Variants in LRP1B observed in about 807,000 individuals in gnomAD.
LRP1B encodes the protein LDL receptor related protein 1B.
A neutral mutation model predicts 556.6 loss-of-function variants in LRP1B; 217 were observed. The ratio of observed to expected loss-of-function variants is 0.39; its 90% CI spans 0.35 to 0.44. The LOEUF (loss-of-function observed/expected upper bound fraction) is 0.44, where lower values mean the gene tolerates loss of function less well. Ranked by LOEUF, LRP1B falls within the 20% of genes least tolerant of loss-of-function variation. LRP1B has a pLI of 1.00. For synonymous variants in LRP1B, 2,047 were observed against 1,865.8 expected, an observed-to-expected ratio of 1.10 and a Z score of -2.50; for missense variants, 5,053 against 5,620.8, an observed-to-expected ratio of 0.90 and a Z score of 3.23.
intron 2 of LRP1B, among the ~76,000 whole-genome samples, chr2:141,767,110 C>A (rs1025831034): frequency 1.3e-5 from 2 of 151,920 alleles, no homozygotes; most frequent in Non-Finnish European, 2.9e-5. Context: ...GGCAAAAAGC[C>A]GTGATAGAAC....
chr2:141,310,125 C>T (rs1686756486), intron 3 of LRP1B, among the ~76,000 whole-genome samples: 1 of 152,058 alleles, frequency 6.6e-6, no homozygotes, highest in South Asian at 2.1e-4. Context: ...GGTAGACAAA[C>T]AACTAAGTAC....
chr2:140,672,060 T>C (rs959340056), intron 41 of LRP1B, among the ~76,000 whole-genome samples: 1 of 152,190 alleles, frequency 6.6e-6, no homozygotes, highest in Non-Finnish European at 1.5e-5. Context: ...TCTATCCTGG[T>C]CCAAAATTCC....
intron 32 of LRP1B, among the ~76,000 whole-genome samples, chr2:140,778,618 A>C (rs539509675): frequency 1.3e-4 from 20 of 152,316 alleles, no homozygotes; most frequent in African/African-American, 4.8e-4. Flanking sequence ...ATTAATTTGT[A>C]GTGAAAATTA....
At chr2:141,864,580 CTT>C (rs1698346142) in intron 1 of LRP1B, among the ~76,000 whole-genome samples, 1 of 135,572 alleles carries the variant, frequency 7.4e-6, no homozygotes, top group Non-Finnish European at 1.7e-5. Context: ...AAAAAAAAAA[CTT>C]ATGAAACTGG....
intron 3 of LRP1B, among the ~76,000 whole-genome samples, chr2:141,352,852 T>C (rs943094578): frequency 1.3e-5 from 2 of 151,898 alleles, no homozygotes; most frequent in African/African-American, 2.4e-5. Flanking sequence ...GCAGTCTCAG[T>C]TGGAGTAGAC....
chr2:140,647,366 T>C (rs1296506546), intron 41 of LRP1B, among the ~76,000 whole-genome samples: 2 of 152,236 alleles, frequency 1.3e-5, no homozygotes, highest in Non-Finnish European at 2.9e-5. Context: ...ATTTTTTATA[T>C]ATTTTAATAA....
chr2:140,404,122 C>T (rs1031503819), intron 66 of LRP1B, among the ~76,000 whole-genome samples: 3 of 150,534 alleles, frequency 2.0e-5, no homozygotes, highest in Admixed American at 6.6e-5. Context: ...CTAAAAAGAA[C>T]TCTAAATCTT....
rs1188470970 is a variant in LRP1B, at chr2:141,355,018, A to G, written c.344-100377T>C. On this transcript the variant is annotated intron_variant, in intron 3 of 90. Transcript: ENST00000389484. Reference sequence around the variant, plus strand: ...TTGGAATGTTTTCTGGGGATATTTCATACTTTTCACCAGTCCCATTGGAGA... The same window carrying G: ...TTGGAATGTTTTCTGGGGATATTTCGTACTTTTCACCAGTCCCATTGGAGA... Among the ~76,000 whole-genome samples, 7 of 152,206 alleles carry G rather than the reference A, an allele frequency of 4.6e-5. No individual in the cohort carries two copies. In the East Asian group the frequency reaches 1.4e-3, roughly 29 times the overall value.
At chr2:141,895,585 C>T (rs912571803) in intron 1 of LRP1B, among the ~76,000 whole-genome samples, 8 of 152,122 alleles carry the variant, frequency 5.3e-5, no homozygotes, top group African/African-American at 1.7e-4. Flanking sequence ...TCCAATTAAG[C>T]AAAGGGCTCA....
intron 35 of LRP1B, among the ~76,000 whole-genome samples, chr2:140,767,568 C>T (rs979508886): frequency 1.3e-5 from 2 of 151,540 alleles, no homozygotes; most frequent in Non-Finnish European, 2.9e-5. Flanking sequence ...ATCTATTTAC[C>T]CTTAAAAAGC....
intron 1 of LRP1B, among the ~76,000 whole-genome samples, chr2:141,927,330 A>G (rs1224286156): frequency 3.3e-5 from 5 of 152,060 alleles, no homozygotes; most frequent in Admixed American, 2.6e-4. Flanking sequence ...ACTGTCCTCT[A>G]CCTGTTTGTC....
intron 1 of LRP1B, among the ~76,000 whole-genome samples, chr2:141,908,892 G>C (rs1699830585): frequency 6.6e-6 from 1 of 152,064 alleles, no homozygotes; most frequent in Non-Finnish European, 1.5e-5. Flanking sequence ...AGCCATTGAG[G>C]TTGGTCTTAT....
At chr2:141,946,284 T>C (rs938439141) in intron 1 of LRP1B, among the ~76,000 whole-genome samples, 2 of 152,176 alleles carry the variant, frequency 1.3e-5, no homozygotes, top group Non-Finnish European at 1.5e-5. Context: ...TATCCTGTTA[T>C]CTGCTTCTGC....
At chr2:140,662,199 A>G (rs1342149529) in intron 41 of LRP1B, among the ~76,000 whole-genome samples, 1 of 151,972 alleles carries the variant, frequency 6.6e-6, no homozygotes, top group Non-Finnish European at 1.5e-5. Context: ...TATACTATTA[A>G]AAGGAAAAAT....
intron 3 of LRP1B, among the ~76,000 whole-genome samples, chr2:141,384,945 G>A (rs1689774357): frequency 6.6e-6 from 1 of 152,140 alleles, no homozygotes; most frequent in African/African-American, 2.4e-5. Flanking sequence ...ATTGGGTGGA[G>A]GCTCCAAGTG....
At chr2:141,762,017 A>G (rs1694571388) in intron 2 of LRP1B, among the ~76,000 whole-genome samples, 1 of 152,162 alleles carries the variant, frequency 6.6e-6, no homozygotes, top group South Asian at 2.1e-4. Flanking sequence ...AGATTTTCAC[A>G]GCAATCTTTT....
intron 18 of LRP1B, among the ~76,000 whole-genome samples, 159 bp downstream of exon 18, chr2:140,982,001 C>T (rs921795513): frequency 8.5e-5 from 13 of 152,170 alleles, no homozygotes; most frequent in East Asian, 5.8e-4. Flanking sequence ...ATCATTAAAG[C>T]GCACAATCAG....
intron 35 of LRP1B, among the ~76,000 whole-genome samples, chr2:140,751,639 C>T (rs1688583438): frequency 1.3e-5 from 2 of 152,164 alleles, no homozygotes; most frequent in South Asian, 4.1e-4. Flanking sequence ...GGTTTCAATT[C>T]TCCTCTAAAT....
intron 1 of LRP1B, among the ~76,000 whole-genome samples, chr2:141,914,097 C>A (rs534804733): frequency 1.8e-4 from 27 of 152,206 alleles, no homozygotes; most frequent in African/African-American, 6.5e-4. Context: ...GGCTTTAGCC[C>A]ATCATACCTA....
Sources: gnomAD v4.1 joint callset for allele counts (sites outside exome capture counted in the v4.1 genomes callset) on GRCh38, gnomAD v4.1.1 for gene constraint, MANE v1.5 for transcripts, NCBI Gene and HGNC (gene_info 2026-07-23, HGNC 2026-07-21) for gene names.